NRIP1: variants seen among roughly 807,000 people sequenced by gnomAD.
NRIP1 encodes nuclear receptor interacting protein 1, also known as nuclear receptor-interacting protein 1.
Under a neutral mutation model 75.0 loss-of-function variants are expected in NRIP1, and 28 were observed. That is an observed-to-expected ratio of 0.37 (90% confidence interval 0.28 to 0.51). NRIP1 has a LOEUF of 0.51. Among genes scored for constraint, NRIP1 ranks in the 20% least tolerant of loss-of-function variants. The pLI, the probability that NRIP1 is intolerant of heterozygous loss-of-function variation, is 0.92. For synonymous variants in NRIP1, 526 were observed against 487.6 expected, an observed-to-expected ratio of 1.08 and a Z score of -1.04; for missense variants, 1,435 against 1,343.7, an observed-to-expected ratio of 1.07 and a Z score of -1.06.
At chr21:15,050,738 G>C (rs1377311441) in intron 1 of NRIP1, 4 of 455,908 alleles carry the variant, frequency 8.8e-6, no homozygotes, top group East Asian at 6.9e-5. Context: ...TTCTGGCTGG[G>C]AAGAGATTGC....
Position 14,967,111 on chromosome 21 carries a change from C to A in NRIP1, c.1082G>T (p.Gly361Val), listed in dbSNP as rs1387871886. ...GTTTCTTTCCAGTGAGTTCTTATAA[C>A]CTGCATTTTTAGGGGAAGAAGGAAT... is the stretch of plus-strand genomic sequence containing the variant. ...GIIPSSPKNA[G>V]YKNSLERNNI... is the part of the protein sequence containing the mutation. Residue 361 changes from glycine to valine, a missense_variant, in exon 4 of 4, where the codon GGT (glycine) becomes GTT (valine). Transcript: ENST00000318948. The A allele has an allele frequency of 6.2e-7, 1 of 1,614,002 alleles. No individual in the cohort carries two copies. The highest frequency in any genetic ancestry group is 8.5e-7 in the Non-Finnish European group (1 of 1,179,970).
At chr21:15,005,396 T>G (rs751910454) in intron 3 of NRIP1, among the ~76,000 whole-genome samples, 26 of 152,146 alleles carry the variant, frequency 1.7e-4, no homozygotes, top group Admixed American at 1.3e-3. Flanking sequence ...TAAAAAAGTC[T>G]TCTTCCTCAG....
At chr21:14,988,679 C>T (rs983960972) in intron 3 of NRIP1, among the ~76,000 whole-genome samples, 1 of 152,032 alleles carries the variant, frequency 6.6e-6, no homozygotes, top group African/African-American at 2.4e-5. Flanking sequence ...TAATTTCTTC[C>T]TTACCTAAAC....
chr21:14,989,635 G>A (rs1050879645), intron 3 of NRIP1, among the ~76,000 whole-genome samples: 2 of 152,130 alleles, frequency 1.3e-5, no homozygotes, highest in African/African-American at 4.8e-5. Context: ...AAACTTAACT[G>A]ATGTTGAAGA....
chr21:14,981,598 T>C (rs2087236444), intron 3 of NRIP1, among the ~76,000 whole-genome samples: 1 of 151,182 alleles, frequency 6.6e-6, no homozygotes. Flanking sequence ...GTCAGGGCTT[T>C]TGTGATTTCA....
intron 3 of NRIP1, among the ~76,000 whole-genome samples, chr21:14,982,856 C>T (rs2087284381): frequency 6.6e-6 from 1 of 151,744 alleles, no homozygotes; most frequent in Non-Finnish European, 1.5e-5. Flanking sequence ...CAAGCTTTTT[C>T]ATTATTATTC....
chr21:14,976,930 A>G (rs751905546), intron 3 of NRIP1, among the ~76,000 whole-genome samples: 8 of 152,152 alleles, frequency 5.3e-5, no homozygotes, highest in African/African-American at 9.7e-5. Flanking sequence ...ATGACTTCCA[A>G]TTGTGTCCAT....
At chr21:15,062,081 G>A (rs781285603) in intron 1 of NRIP1, among the ~76,000 whole-genome samples, 1 of 152,108 alleles carries the variant, frequency 6.6e-6, no homozygotes, top group Non-Finnish European at 1.5e-5. Flanking sequence ...TGTTCAACTG[G>A]TATTTAATTA....
intron 1 of NRIP1, among the ~76,000 whole-genome samples, chr21:15,047,543 A>G (rs2089110362): frequency 6.6e-6 from 1 of 152,192 alleles, no homozygotes; most frequent in South Asian, 2.1e-4. Context: ...TCTTCTCAGA[A>G]ATAAATAAAT....
At chr21:14,981,369 C>A (rs1410070241) in intron 3 of NRIP1, among the ~76,000 whole-genome samples, 2 of 152,222 alleles carry the variant, frequency 1.3e-5, no homozygotes, top group African/African-American at 4.8e-5. Flanking sequence ...ATCTCAGGAA[C>A]AATAGCCAGT....
Position 14,966,486 on chromosome 21 carries a change from A to G in NRIP1, c.1707T>C (p.Ser569=), listed in dbSNP as rs371072440. 2 of 1,614,118 alleles carry G rather than the reference A, an allele frequency of 1.2e-6. No homozygotes were observed. Among genetic ancestry groups the G allele is most frequent in the Non-Finnish European group, 1.7e-6 (2 of 1,179,992 alleles). ...TCCATTTGATGACCAGAGAGTGTTG[A>G]GAGAGATTGATGGGAGACCCTGCTT... ...SSKAGSPINL[S]QHSLVIKWNS... Residue 569 remains serine (S), a synonymous_variant, in exon 4 of 4, where the codon TCT becomes TCC. Transcript: ENST00000318948.
intron 2 of NRIP1, among the ~76,000 whole-genome samples, chr21:15,024,474 G>A (rs776521141): frequency 1.1e-4 from 16 of 152,042 alleles, no homozygotes; most frequent in South Asian, 2.1e-4. Flanking sequence ...CCCAGGAGGC[G>A]GAGGTTGCAG....
chr21:14,978,904 C>G (rs1600823379), intron 3 of NRIP1, among the ~76,000 whole-genome samples: 1 of 151,790 alleles, frequency 6.6e-6, no homozygotes, highest in African/African-American at 2.4e-5. Context: ...TTCAAAAACA[C>G]AATACATTTC....
intron 1 of NRIP1, among the ~76,000 whole-genome samples, chr21:15,053,409 T>C (rs1007624666): frequency 6.6e-6 from 1 of 152,224 alleles, no homozygotes; most frequent in Non-Finnish European, 1.5e-5. Flanking sequence ...ACTTTAGTTT[T>C]ATTCACCCTT....
At chr21:14,985,602 T>C (rs1268539192) in intron 3 of NRIP1, among the ~76,000 whole-genome samples, 1 of 152,144 alleles carries the variant, frequency 6.6e-6, no homozygotes, top group African/African-American at 2.4e-5. Context: ...AAAATATACA[T>C]ATTTTTAGAG....
intron 3 of NRIP1, among the ~76,000 whole-genome samples, chr21:14,976,123 A>T (rs2087059742): frequency 6.6e-6 from 1 of 152,206 alleles, no homozygotes; most frequent in South Asian, 2.1e-4. Flanking sequence ...TTCATGTCCA[A>T]CTACTTAACA....
intron 2 of NRIP1, among the ~76,000 whole-genome samples, chr21:15,020,801 T>C (rs1447228296): frequency 6.6e-6 from 1 of 151,912 alleles, no homozygotes; most frequent in Admixed American, 6.6e-5. Context: ...AAGATGCTCA[T>C]TGTCATCCAC....
chr21:14,970,873 A>T (rs2086885824), intron 3 of NRIP1, among the ~76,000 whole-genome samples: 1 of 152,214 alleles, frequency 6.6e-6, no homozygotes, highest in African/African-American at 2.4e-5. Flanking sequence ...CTTTAAAAAG[A>T]CTGAATTTAC....
upstream of NRIP1, among the ~76,000 whole-genome samples, chr21:15,065,541 G>T (rs959082758): frequency 2.6e-5 from 4 of 151,984 alleles, no homozygotes; most frequent in African/African-American, 9.7e-5. Context: ...CCCACAACAC[G>T]CGCTCTCTGG....
Sources: gnomAD v4.1 joint callset for allele counts (sites outside exome capture counted in the v4.1 genomes callset) on GRCh38, gnomAD v4.1.1 for gene constraint, MANE v1.5 for transcripts, NCBI Gene and HGNC (gene_info 2026-07-23, HGNC 2026-07-21) for gene names.